Variants in MAN1A1 observed in about 807,000 individuals in gnomAD.
MAN1A1 encodes the protein mannosidase alpha class 1A member 1, also known as mannosyl-oligosaccharide 1,2-alpha-mannosidase IA.
MAN1A1 carries 29 observed loss-of-function variants against 70.8 expected under a neutral mutation model. That is an observed-to-expected ratio of 0.41 (90% CI 0.31 to 0.56). The LOEUF is 0.56. MAN1A1 is among the 20% of genes least tolerant of loss of function. The pLI is 0.29. For synonymous variants in MAN1A1, 349 were observed against 330.1 expected (o/e 1.06, Z -0.62); for missense variants, 747 against 841.3 (o/e 0.89, Z 1.39).
Position 119,302,122 on chromosome 6 carries a change from T to C in MAN1A1, c.701-19A>G. ...ATGTTACCTGAAAAGATCAGAAAAA[T>C]ATTTGATAAAATACTTTGCCTAGAT... On this transcript the variant is annotated intron_variant, in intron 3 of 12. Coordinates refer to ENST00000368468, the MANE Select transcript of MAN1A1 (RefSeq NM_005907.4). The C allele has an allele frequency of 8.1e-7, 1 of 1,231,946 alleles. No homozygotes were observed. The highest frequency in any genetic ancestry group is 1.3e-5 in the South Asian group (1 of 78,450). The allele number at this position is 1,231,946 out of a possible 1,614,324, so 76.3% of individuals were successfully genotyped here.
intron 5 of MAN1A1, among the ~76,000 whole-genome samples, chr6:119,273,122 A>T (rs1383901498): frequency 6.6e-6 from 1 of 152,138 alleles, no homozygotes; most frequent in African/African-American, 2.4e-5. Flanking sequence ...GGTTGGAAAA[A>T]CTGAATCCTG....
At chr6:119,271,582 C>T (rs1402321282) in intron 5 of MAN1A1, among the ~76,000 whole-genome samples, 1 of 152,058 alleles carries the variant, frequency 6.6e-6, no homozygotes, top group Non-Finnish European at 1.5e-5. Context: ...TCACTGCAAC[C>T]TCCGCCTCCT....
At chr6:119,271,294 G>A (rs1775916295) in intron 5 of MAN1A1, among the ~76,000 whole-genome samples, 1 of 151,908 alleles carries the variant, frequency 6.6e-6, no homozygotes. Flanking sequence ...ATGCTTAAAA[G>A]ACATTTATTT....
chr6:119,340,275 A>G (rs561347686), intron 2 of MAN1A1, among the ~76,000 whole-genome samples: 1 of 152,280 alleles, frequency 6.6e-6, no homozygotes, highest in South Asian at 2.1e-4. Context: ...CCCTTTTAGT[A>G]CATAGCTCCA....
At chr6:119,188,221 A>G (rs190899852) in intron 11 of MAN1A1, among the ~76,000 whole-genome samples, 184 bp downstream of exon 11, 30 of 152,366 alleles carry the variant, frequency 2.0e-4, no homozygotes, top group African/African-American at 6.3e-4. Context: ...TCAATGTTAT[A>G]CAAAGCAAAG....
At chr6:119,304,543 T>C (rs1477492475) in intron 3 of MAN1A1, among the ~76,000 whole-genome samples, 1 of 152,214 alleles carries the variant, frequency 6.6e-6, no homozygotes, top group African/African-American at 2.4e-5. Flanking sequence ...TAAATAGTTC[T>C]AGTTTCCTGC....
At chr6:119,277,566 A>G (rs1200913101) in intron 5 of MAN1A1, among the ~76,000 whole-genome samples, 1 of 152,152 alleles carries the variant, frequency 6.6e-6, no homozygotes, top group African/African-American at 2.4e-5. Flanking sequence ...TCACATCTAT[A>G]GTCCTAGCAC....
intron 9 of MAN1A1, among the ~76,000 whole-genome samples, chr6:119,193,130 T>C (rs1461217075): frequency 6.6e-6 from 1 of 150,542 alleles, no homozygotes; most frequent in Non-Finnish European, 1.5e-5. Flanking sequence ...ACAGCAACTT[T>C]ATCTGTAAAA....
intron 2 of MAN1A1, among the ~76,000 whole-genome samples, chr6:119,338,814 A>G (rs1447660071): frequency 6.6e-6 from 1 of 152,212 alleles, no homozygotes; most frequent in African/African-American, 2.4e-5. Flanking sequence ...AGCTCCTATC[A>G]ATAAAGGATA....
chr6:119,185,489 T>A (rs922154797), intron 11 of MAN1A1, among the ~76,000 whole-genome samples: 16 of 152,176 alleles, frequency 1.1e-4, no homozygotes, highest in Non-Finnish European at 2.4e-4. Context: ...ACTGAAAGTA[T>A]GGGTGAAAAA....
intron 8 of MAN1A1, among the ~76,000 whole-genome samples, chr6:119,194,595 A>G (rs1440103857): frequency 6.6e-6 from 1 of 152,162 alleles, no homozygotes; most frequent in Non-Finnish European, 1.5e-5. Flanking sequence ...CAGAAGAGGG[A>G]TTACAGGCAT....
intron 11 of MAN1A1, among the ~76,000 whole-genome samples, chr6:119,180,833 T>C (rs578232953): frequency 1.3e-5 from 2 of 152,258 alleles, no homozygotes; most frequent in African/African-American, 4.8e-5. Flanking sequence ...TTTTTACAAA[T>C]TGGATTCAAA....
At chr6:119,337,899 G>A (rs906721748) in intron 2 of MAN1A1, among the ~76,000 whole-genome samples, 1 of 151,958 alleles carries the variant, frequency 6.6e-6, no homozygotes, top group Non-Finnish European at 1.5e-5. Flanking sequence ...TATAAAATAC[G>A]TTTTTTACTA....
intron 2 of MAN1A1, among the ~76,000 whole-genome samples, chr6:119,347,914 T>G (rs1346467152): frequency 6.6e-6 from 1 of 152,254 alleles, no homozygotes; most frequent in East Asian, 1.9e-4. Flanking sequence ...TTTTATATTT[T>G]CATTTTTTAA....
intron 2 of MAN1A1, among the ~76,000 whole-genome samples, chr6:119,308,642 A>T (rs1772598471): frequency 6.6e-6 from 1 of 152,202 alleles, no homozygotes; most frequent in African/African-American, 2.4e-5. Context: ...AATCTATATT[A>T]AAACTAATTA....
intron 2 of MAN1A1, among the ~76,000 whole-genome samples, chr6:119,331,236 C>A (rs1369248527): frequency 1.3e-5 from 2 of 152,104 alleles, no homozygotes; most frequent in East Asian, 3.9e-4. Flanking sequence ...AAGTCAGTAA[C>A]AATATATTAT....
chr6:119,196,385 G>C (rs1189585078), intron 8 of MAN1A1, among the ~76,000 whole-genome samples: 1 of 151,260 alleles, frequency 6.6e-6, no homozygotes, highest in Non-Finnish European at 1.5e-5. Flanking sequence ...CATTAATTTA[G>C]CATGTCACTC....
At chr6:119,216,649 T>C (rs1311234109) in intron 6 of MAN1A1, among the ~76,000 whole-genome samples, 2 of 152,218 alleles carry the variant, frequency 1.3e-5, no homozygotes, top group African/African-American at 2.4e-5. Context: ...TAGTTATTTA[T>C]AAAGATCAAT....
At chr6:119,335,015 T>G (rs1324590229) in intron 2 of MAN1A1, among the ~76,000 whole-genome samples, 2 of 152,210 alleles carry the variant, frequency 1.3e-5, no homozygotes, top group African/African-American at 4.8e-5. Context: ...TCTCTATGGT[T>G]TTCCTGAGGA....
Sources: allele counts gnomAD v4.1 joint callset (sites outside exome capture counted in the v4.1 genomes callset), GRCh38; gene constraint gnomAD v4.1.1; transcripts MANE v1.5; gene names NCBI Gene and HGNC (gene_info 2026-07-23, HGNC 2026-07-21).